Variants in RELL1 observed in about 807,000 individuals in gnomAD.
The protein encoded by RELL1 is RELT like 1, also known as RELT-like protein 1.
Under a neutral mutation model 23.0 loss-of-function variants are expected in RELL1, and 10 were observed. The observed-to-expected ratio is 0.43, with a 90% CI of 0.27 to 0.74. The LOEUF is 0.74. Ranked by LOEUF, RELL1 falls within the 30% of genes least tolerant of loss-of-function variation. RELL1 has a pLI of 0.19. For missense variants in RELL1, 315 were observed against 364.4 expected, an observed-to-expected ratio of 0.86 and a Z score of 1.10; for synonymous variants, 146 against 146.8, an observed-to-expected ratio of 0.99 and a Z score of 0.04.
At chr4:37,654,226 G>T (rs1424145441) in intron 1 of RELL1, among the ~76,000 whole-genome samples, 1 of 152,162 alleles carries the variant, frequency 6.6e-6, no homozygotes, top group South Asian at 2.1e-4. Context: ...TAAGCCAAAT[G>T]AATTTAAATA....
At chr4:37,649,627 G>C in intron 1 of RELL1, 127 bp from the exon 2 acceptor site, 1 of 763,262 alleles carries the variant, frequency 1.3e-6, no homozygotes, top group South Asian at 1.8e-5. Flanking sequence ...CAGACTGGTG[G>C]GTCCAGCTGC....
chr4:37,670,134 T>G (rs1721781306), intron 1 of RELL1, among the ~76,000 whole-genome samples: 1 of 151,804 alleles, frequency 6.6e-6, no homozygotes, highest in South Asian at 2.1e-4. Flanking sequence ...TTATGTTTTC[T>G]TGCTGGAACT....
intron 3 of RELL1, among the ~76,000 whole-genome samples, chr4:37,641,970 C>A (rs1202107638): frequency 1.3e-5 from 2 of 152,146 alleles, no homozygotes; most frequent in African/African-American, 4.8e-5. Flanking sequence ...AACTGACTGG[C>A]CGGAGTCACA....
At chr4:37,637,223 G>A (rs146056196) in intron 4 of RELL1, among the ~76,000 whole-genome samples, 1 of 152,218 alleles carries the variant, frequency 6.6e-6, no homozygotes, top group African/African-American at 2.4e-5. Flanking sequence ...GAGCTCTTCT[G>A]TCTCTATGAC....
At chr4:37,590,009 C>A, downstream of RELL1, 10 of 973,266 alleles carry the variant, frequency 1.0e-5, no homozygotes, top group Non-Finnish European at 1.6e-5. Context: ...TAGCAGGAAT[C>A]GTAGAAAGAA....
At chr4:37,681,430 G>A (rs1019442354) in intron 1 of RELL1, among the ~76,000 whole-genome samples, 1 of 151,660 alleles carries the variant, frequency 6.6e-6, no homozygotes, top group East Asian at 1.9e-4. Context: ...GTAGGACAGA[G>A]AGACAGGTGT....
intron 6 of RELL1, among the ~76,000 whole-genome samples, chr4:37,621,937 G>GA (rs1254810124): frequency 6.6e-6 from 1 of 152,144 alleles, no homozygotes. Context: ...GAATAACTTA[G>GA]AAAAAACATC....
At chr4:37,590,544 CA>C, downstream of RELL1, 1 of 1,614,170 alleles carries the variant, frequency 6.2e-7, no homozygotes, top group Non-Finnish European at 8.5e-7. Context: ...ATGGAGACTC[CA>C]GAGCTCCTTC....
intron 4 of RELL1, 148 bp from the exon 5 acceptor site, chr4:37,635,271 C>T: frequency 1.6e-6 from 1 of 640,862 alleles, no homozygotes. Flanking sequence ...GTGAACAGAC[C>T]TCAGACAGCA....
At chr4:37,629,098 T>C (rs551102733) in intron 6 of RELL1, among the ~76,000 whole-genome samples, 2 of 152,304 alleles carry the variant, frequency 1.3e-5, no homozygotes, top group Non-Finnish European at 2.9e-5. Context: ...AAGAGGATCA[T>C]CTTGCAGTTC....
chr4:37,593,186 A>G (rs1718698220), intron 6 of RELL1, among the ~76,000 whole-genome samples: 1 of 152,218 alleles, frequency 6.6e-6, no homozygotes, highest in African/African-American at 2.4e-5. Flanking sequence ...TTATTCCTTC[A>G]ATGATTTCCT....
At chr4:37,618,888 T>G (rs1719668285) in intron 6 of RELL1, among the ~76,000 whole-genome samples, 1 of 152,170 alleles carries the variant, frequency 6.6e-6, no homozygotes, top group South Asian at 2.1e-4. Context: ...TTTTCTTTTC[T>G]TTTCTTTTGA....
chr4:37,637,579 C>A (rs893028302), intron 4 of RELL1, among the ~76,000 whole-genome samples: 4 of 152,162 alleles, frequency 2.6e-5, no homozygotes, highest in Admixed American at 6.5e-5. Flanking sequence ...CCCCCGGGGT[C>A]CCCCAGAGCC....
intron 6 of RELL1, among the ~76,000 whole-genome samples, chr4:37,598,252 CAAAAAAAAAAAAAAAAAAAAA>C (rs56142508): frequency 1.8e-4 from 2 of 11,336 alleles, no homozygotes; most frequent in Non-Finnish European, 3.8e-4. Flanking sequence ...AACTCTGTCT[CAAAAAAAAAAAAAAAAAAAAA>C]AAAAAAAAAA....
At chr4:37,622,607 C>T (rs1008202704) in intron 6 of RELL1, among the ~76,000 whole-genome samples, 2 of 152,090 alleles carry the variant, frequency 1.3e-5, no homozygotes, top group Non-Finnish European at 2.9e-5. Flanking sequence ...AATGAACTCT[C>T]GGCATGATCT....
chr4:37,596,726 ATATATATATATTTT>A (rs1280902563), intron 6 of RELL1, among the ~76,000 whole-genome samples: 2 of 13,122 alleles, frequency 1.5e-4, no homozygotes, highest in East Asian at 3.8e-3. Context: ...ATATATATAT[ATATATATATATTTT>A]TTTTTTTTTT....
chr4:37,635,288 C>G (rs1447198187), intron 4 of RELL1, among the ~76,000 whole-genome samples, 165 bp from the exon 5 acceptor site: 1 of 152,072 alleles, frequency 6.6e-6, no homozygotes, highest in Non-Finnish European at 1.5e-5. Context: ...AGCAGGTACT[C>G]AGTTCTCATG....
chr4:37,638,861 C>A (rs6818798), intron 3 of RELL1, among the ~76,000 whole-genome samples: 97,014 of 152,110 alleles, frequency 0.64, 31,252 homozygotes, highest in Middle Eastern at 0.72. Flanking sequence ...CCGCTGCTCC[C>A]TTGCAGTTAA....
intron 1 of RELL1, 31 bp downstream of exon 1, chr4:37,686,169 C>T: frequency 6.5e-7 from 1 of 1,546,328 alleles, no homozygotes; most frequent in South Asian, 1.2e-5. Context: ...GGGCTCAGCA[C>T]CCGGCGCCCC....
Sources: gnomAD v4.1 joint callset for allele counts (sites outside exome capture counted in the v4.1 genomes callset) on GRCh38, gnomAD v4.1.1 for gene constraint, MANE v1.5 for transcripts, NCBI Gene and HGNC (gene_info 2026-07-23, HGNC 2026-07-21) for gene names.